Variants in ZNRF2 observed in about 807,000 individuals in gnomAD.
ZNRF2 encodes the protein zinc and ring finger 2, also known as E3 ubiquitin-protein ligase ZNRF2.
ZNRF2 carries 16 observed loss-of-function variants against 20.4 expected under a neutral mutation model. That is an observed-to-expected ratio of 0.79 (90% CI 0.53 to 1.19). The LOEUF (loss-of-function observed/expected upper bound fraction) is 1.19. Ranked by LOEUF, ZNRF2 falls within the 50% of genes most tolerant of loss-of-function variation. The pLI is 0.00. For missense variants in ZNRF2, 363 were observed against 332.4 expected (o/e 1.09, Z -0.72); for synonymous variants, 178 against 144.9 (o/e 1.23, Z -1.64).
chr7:30,291,108 G>A (rs1425375242), intron 1 of ZNRF2, among the ~76,000 whole-genome samples: 4 of 152,198 alleles, frequency 2.6e-5, no homozygotes, highest in Non-Finnish European at 4.4e-5. Flanking sequence ...GAAGTTGTAC[G>A]GAGAGAGGGC....
intron 2 of ZNRF2, among the ~76,000 whole-genome samples, chr7:30,334,684 G>A (rs537486846): frequency 6.6e-6 from 1 of 152,270 alleles, no homozygotes; most frequent in African/African-American, 2.4e-5. Context: ...AGTCTTGCAT[G>A]ACAGTATGAA....
intron 2 of ZNRF2, among the ~76,000 whole-genome samples, chr7:30,343,429 C>G (rs960942091): frequency 7.9e-5 from 12 of 152,118 alleles, no homozygotes; most frequent in African/African-American, 2.9e-4. Context: ...TTCACTTGAT[C>G]GTCATGGACT....
chr7:30,287,202 T>C (rs1181199634), intron 1 of ZNRF2, among the ~76,000 whole-genome samples: 4 of 152,330 alleles, frequency 2.6e-5, no homozygotes, highest in African/African-American at 9.6e-5. Context: ...TTAAAGTGAT[T>C]TGATCACAAC....
intron 3 of ZNRF2, among the ~76,000 whole-genome samples, chr7:30,356,296 A>G (rs530019704): frequency 6.6e-6 from 1 of 150,798 alleles, no homozygotes; most frequent in South Asian, 2.1e-4. Flanking sequence ...AAAAAAAAAA[A>G]GTTTAAGGTA....
intron 4 of ZNRF2, among the ~76,000 whole-genome samples, 192 bp from the exon 5 acceptor site, chr7:30,365,843 G>A (rs957623250): frequency 4.6e-5 from 7 of 152,066 alleles, no homozygotes; most frequent in Admixed American, 6.6e-5. Flanking sequence ...CTTTACTTGC[G>A]TGTAGTCCTT....
rs569340867 is a variant in ZNRF2 at position 30,349,196 on chromosome 7, G to A, written c.566-6532G>A. 2.7e-4 allele frequency among the ~76,000 whole-genome samples: 41 copies of A among 152,264 alleles called. 1 individual carries two copies. Among genetic ancestry groups the A allele is most frequent in the Non-Finnish European group, 5.6e-4 (38 of 68,008 alleles). ...TAATCATCCGTATTAAAGACCATGT[G>A]AGATGTAGGTATTATCACTTGCAAT... On this transcript the variant is annotated intron_variant, in intron 2 of 4. Transcript: ENST00000323037.
Position 30,366,475 on chromosome 7 carries a change from G to T in ZNRF2, c.*463G>T, listed in dbSNP as rs1800217583. ...GTTCATAATGTTTCTGCATTCATCTGTTCTTAAATTGAAAAACATATAATT... is the reference window on the plus strand; with the variant it reads ...GTTCATAATGTTTCTGCATTCATCTTTTCTTAAATTGAAAAACATATAATT... On this transcript the variant is annotated 3_prime_UTR_variant, in exon 5 of 5. Coordinates refer to ENST00000323037, the MANE Select transcript of ZNRF2 (RefSeq NM_147128.4). 1 of 152,460 alleles carries T rather than the reference G, an allele frequency of 6.6e-6. No individual in the cohort carries two copies. The highest frequency in any genetic ancestry group is 1.5e-5 in the Non-Finnish European group (1 of 67,968). 9.4% of individuals were successfully genotyped at this position (152,460 alleles called of 1,614,324 possible).
chr7:30,318,340 T>G (rs1354451292), intron 1 of ZNRF2, among the ~76,000 whole-genome samples: 1 of 152,218 alleles, frequency 6.6e-6, no homozygotes, highest in Non-Finnish European at 1.5e-5. Flanking sequence ...TTCTTCTGGG[T>G]GATTTTTGCT....
Position 30,345,275 on chromosome 7 carries a change from C to G in ZNRF2, c.566-10453C>G, listed in dbSNP as rs1009885785. Among the ~76,000 whole-genome samples the G allele has an allele frequency of 7.2e-5, 11 of 151,850 alleles. No homozygotes were observed. In the East Asian group the frequency reaches 2.1e-3, roughly 29 times the overall value. ...TTCTCATTTCTACCCCTTGATGTTC[C>G]TGTGATTTCTTCTAGTGCTTCTTCT... On this transcript the variant is annotated intron_variant, in intron 2 of 4. Transcript: ENST00000323037.
At chr7:30,307,651 G>GT (rs1476884433) in intron 1 of ZNRF2, among the ~76,000 whole-genome samples, 1 of 151,782 alleles carries the variant, frequency 6.6e-6, no homozygotes, top group Non-Finnish European at 1.5e-5. Flanking sequence ...CCTTTCAAGT[G>GT]TTTTTTAAAG....
At chr7:30,342,186 G>T (rs1307458983) in intron 2 of ZNRF2, among the ~76,000 whole-genome samples, 4 of 151,448 alleles carry the variant, frequency 2.6e-5, no homozygotes, top group Admixed American at 2.6e-4. Context: ...TATCCAATTT[G>T]CCAGTCTGTG....
At chr7:30,353,651 C>G (rs1298990791) in intron 2 of ZNRF2, among the ~76,000 whole-genome samples, 1 of 151,952 alleles carries the variant, frequency 6.6e-6, no homozygotes, top group Non-Finnish European at 1.5e-5. Context: ...AAATGTAGAC[C>G]TTTTAAAATA....
At chr7:30,303,444 A>G (rs1021015725) in intron 1 of ZNRF2, among the ~76,000 whole-genome samples, 4 of 152,096 alleles carry the variant, frequency 2.6e-5, no homozygotes, top group South Asian at 4.2e-4. Flanking sequence ...CTCCACTCCA[A>G]GTTTCTGATT....
intron 1 of ZNRF2, among the ~76,000 whole-genome samples, chr7:30,317,441 G>GA (rs1237741279): frequency 6.6e-6 from 1 of 152,232 alleles, no homozygotes; most frequent in Non-Finnish European, 1.5e-5. Context: ...GGTGAGACTT[G>GA]ATCTGGGCTT....
chr7:30,348,138 C>T (rs1036900842), intron 2 of ZNRF2, among the ~76,000 whole-genome samples: 3 of 147,154 alleles, frequency 2.0e-5, no homozygotes, highest in Non-Finnish European at 3.0e-5. Flanking sequence ...CTGACACGCA[C>T]TTCCTGTATA....
intron 3 of ZNRF2, among the ~76,000 whole-genome samples, chr7:30,356,699 A>ATTTT (rs139265962): frequency 1.8e-4 from 13 of 73,156 alleles, no homozygotes; most frequent in Non-Finnish European, 2.6e-4. Flanking sequence ...ATAACATTGT[A>ATTTT]TTTTTTTTTT....
At chr7:30,364,062 A>T (rs779310992) in intron 4 of ZNRF2, among the ~76,000 whole-genome samples, 14 of 152,182 alleles carry the variant, frequency 9.2e-5, no homozygotes, top group Non-Finnish European at 1.3e-4. Context: ...CCTGTGTGGT[A>T]CCATTTCCTT....
intron 1 of ZNRF2, among the ~76,000 whole-genome samples, chr7:30,302,642 T>C (rs1371006101): frequency 6.6e-6 from 1 of 152,158 alleles, no homozygotes; most frequent in Non-Finnish European, 1.5e-5. Flanking sequence ...CTCGGACTAG[T>C]AGAAATATTG....
intron 1 of ZNRF2, among the ~76,000 whole-genome samples, chr7:30,313,210 GT>G (rs1460223361): frequency 1.3e-5 from 2 of 152,172 alleles, no homozygotes; most frequent in African/African-American, 4.8e-5. Flanking sequence ...GCTGGTACAG[GT>G]TTTTCCTAGT....
Sources: gnomAD v4.1 joint callset for allele counts (sites outside exome capture counted in the v4.1 genomes callset) on GRCh38, gnomAD v4.1.1 for gene constraint, MANE v1.5 for transcripts, NCBI Gene and HGNC (gene_info 2026-07-23, HGNC 2026-07-21) for gene names.